SLC22A13: variants seen among roughly 807,000 people sequenced by gnomAD.
The protein encoded by SLC22A13 is organic anion transporter 10.
SLC22A13 carries 42 observed loss-of-function variants against 49.1 expected under a neutral mutation model. That is an observed-to-expected ratio of 0.85 (90% confidence interval 0.67 to 1.11). The LOEUF (loss-of-function observed/expected upper bound fraction) is 1.11. SLC22A13 is among the 50% of genes least tolerant of loss of function. The pLI is 0.00. For synonymous variants in SLC22A13, 282 were observed against 293.1 expected (o/e 0.96, Z 0.39); for missense variants, 694 against 712.8 (o/e 0.97, Z 0.30).
chr3:38,275,986 C>A lies in SLC22A13; in HGVS notation c.1127C>A (p.Ala376Asp). 2 of 1,614,172 alleles carry A rather than the reference C, an allele frequency of 1.2e-6. No homozygotes were observed. Among genetic ancestry groups the A allele is most frequent in the South Asian group, 2.2e-5 (2 of 91,082 alleles). Reference protein sequence around the residue: ...QLIFGAVEVPARCSSIFMMQR... With the variant: ...QLIFGAVEVPDRCSSIFMMQR... Reference sequence around the variant, plus strand: ...ATCTTTGGAGCTGTTGAGGTGCCTGCCCGCTGTTCCAGCATCTTCATGATG... The same window carrying A: ...ATCTTTGGAGCTGTTGAGGTGCCTGACCGCTGTTCCAGCATCTTCATGATG... Residue 376 changes from alanine to aspartate, a missense_variant, in exon 7 of 10, where the codon GCC becomes GAC. Transcript: ENST00000311856.
rs1388099023 is a variant in SLC22A13, at chr3:38,274,372, A to G, written c.479A>G (p.Asp160Gly). Reference protein sequence around the residue: ...VGTLMFGPLCDRIGRKATILA... With the variant: ...VGTLMFGPLCGRIGRKATILA... ...ACCCTCATGTTTGGGCCCCTCTGCG[A>G]CCGGTAAGAACCTTGCCCTGCCCAC... Residue 160 changes from aspartate (D) to glycine (G), a missense_variant, in exon 2 of 10, where the codon GAC (aspartate) becomes GGC (glycine). Transcript: ENST00000311856. The G allele has an allele frequency of 1.2e-6, 2 of 1,612,880 alleles. No individual in the cohort carries two copies. The highest frequency in any genetic ancestry group is 1.6e-4 in the Middle Eastern group (1 of 6,062).
At chr3:38,268,404 T>G (rs1703484938) in intron 1 of SLC22A13, among the ~76,000 whole-genome samples, 1 of 152,188 alleles carries the variant, frequency 6.6e-6, no homozygotes, top group South Asian at 2.1e-4. Flanking sequence ...TCCATAGACA[T>G]CTATCTTATA....
chr3:38,274,435 C>T, intron 2 of SLC22A13, 60 bp downstream of exon 2: 1 of 1,498,110 alleles, frequency 6.7e-7, no homozygotes, highest in Non-Finnish European at 9.3e-7. Context: ...GGCACAGGCC[C>T]AAGTCCCCCT....
rs1275860083 is a variant in SLC22A13 at position 38,277,112 on chromosome 3, TG to T, written c.1551del (p.Pro518LeufsTer29). 1.3e-6 allele frequency: 2 copies of T among 1,564,062 alleles called. No individual in the cohort carries two copies. Among genetic ancestry groups the T allele is most frequent in the South Asian group, 2.3e-5 (2 of 85,394 alleles). ...AAAGACACCCTCCAGGACCTGGAGC[TG>T]GGGCCTCACCCACGGTGAGCTGCTT... ...GLKDTLQDLE[L>X]GPHPRSPKSV... is the part of the protein sequence containing the mutation. On this transcript the variant is annotated frameshift_variant, in exon 9 of 10. Transcript: ENST00000311856. LOFTEE classifies it low-confidence loss of function (END_TRUNC).
Position 38,277,145 on chromosome 3 carries a change from A to G in SLC22A13, c.1562+18A>G, listed in dbSNP as rs1422066769. 1.3e-6 allele frequency: 2 copies of G among 1,537,678 alleles called. No individual in the cohort carries two copies. The highest frequency in any genetic ancestry group is 2.4e-5 in the East Asian group (1 of 40,916). ...CACCCACGGTGAGCTGCTTGCTTGC[A>G]CTGAAACCACGACTTGGGTCTCACA... On this transcript the variant is annotated intron_variant, in intron 9 of 9. Coordinates refer to ENST00000311856, the MANE Select transcript of SLC22A13 (RefSeq NM_004256.4).
Position 38,274,665 on chromosome 3 carries a change from A to G in SLC22A13, c.544A>G (p.Thr182Ala), listed in dbSNP as rs1703556931. 6.2e-7 allele frequency: 1 copy of G among 1,614,030 alleles called. No homozygotes were observed. The highest frequency in any genetic ancestry group is 1.3e-5 in the African/African-American group (1 of 74,942). ...LLLFTLIGLA[T>A]AFVPSFELYM... ...CCTCTTCACCCTCATCGGCCTGGCC[A>G]CAGCTTTTGTGCCCAGCTTTGAGCT... The change falls in exon 3 of 10, where the codon ACA (threonine) becomes GCA (alanine). Residue 182 changes from threonine (T) to alanine (A), a missense_variant. Physicochemically the swap from Thr to Ala is moderately conservative, Grantham distance 58. Transcript: ENST00000311856.
Position 38,274,291 on chromosome 3 carries a change from G to A in SLC22A13, c.398G>A (p.Arg133Gln), listed in dbSNP as rs377117410. 1.5e-5 allele frequency: 25 copies of A among 1,613,902 alleles called. No homozygotes were observed. The highest frequency in any genetic ancestry group is 4.5e-5 in the East Asian group (2 of 44,886). Residue 133 changes from arginine (R) to glutamine (Q), a missense_variant, in exon 2 of 10, where the codon CGG becomes CAG. Arg to Gln is a conservative substitution (Grantham distance 43). Transcript: ENST00000311856. ...LKNEFNLVCD[R>Q]KHLKDTTQSV... ...CCTCAGTTCAACCTGGTTTGTGATC[G>A]GAAGCACCTGAAGGACACCACACAG...
At position 38,278,736 on chromosome 3, in the gene SLC22A13, C is replaced by A. The variant is rs1703614410; in HGVS notation, c.*1271C>A. ...TTGGGAGGCTGAGGCAGGAGAATCG[C>A]TTGAACCTGGGAGGCGGAGTTTGCA... On this transcript the variant is annotated 3_prime_UTR_variant, in exon 10 of 10. Coordinates refer to ENST00000311856, the MANE Select transcript of SLC22A13 (RefSeq NM_004256.4). Among the ~76,000 whole-genome samples the A allele has an allele frequency of 6.7e-6, 1 of 150,138 alleles. No individual in the cohort carries two copies. Among genetic ancestry groups the A allele is most frequent in the African/African-American group, 2.5e-5 (1 of 40,532 alleles).
intron 1 of SLC22A13, among the ~76,000 whole-genome samples, chr3:38,272,607 A>G (rs1480243155): frequency 2.6e-5 from 4 of 152,192 alleles, no homozygotes; most frequent in Non-Finnish European, 2.9e-5. Context: ...ACCAAACAGG[A>G]TAGAACTGGC....
intron 6 of SLC22A13, 38 bp downstream of exon 6, chr3:38,275,710 G>C: frequency 6.3e-7 from 1 of 1,594,456 alleles, no homozygotes; most frequent in Non-Finnish European, 8.6e-7. Context: ...CCACAGGGCT[G>C]CAGCCTCCCT....
chr3:38,268,468 G>T (rs754397492), intron 1 of SLC22A13, among the ~76,000 whole-genome samples: 1 of 152,090 alleles, frequency 6.6e-6, no homozygotes, highest in Non-Finnish European at 1.5e-5. Flanking sequence ...CTGCGTTCTA[G>T]GAACACCATG....
intron 1 of SLC22A13, among the ~76,000 whole-genome samples, chr3:38,267,576 CCTT>C (rs1703476973): frequency 1.3e-5 from 2 of 152,192 alleles, no homozygotes; most frequent in African/African-American, 2.4e-5. Context: ...CTACTCTAGG[CCTT>C]CTTCACACCC....
chr3:38,274,930 G>A (rs1453840379), intron 3 of SLC22A13, 59 bp from the exon 4 acceptor site: 25 of 1,593,814 alleles, frequency 1.6e-5, no homozygotes, highest in Non-Finnish European at 2.1e-5. Context: ...GTGGCATCTA[G>A]GAGTAATGGG....
chr3:38,267,276 G>A lies in SLC22A13; in HGVS notation c.378+1038G>A, dbSNP rs148797685. Among the ~76,000 whole-genome samples the A allele has an allele frequency of 2.8e-4, 42 of 152,148 alleles. No individual in the cohort carries two copies. In the East Asian group the frequency reaches 7.8e-3, roughly 28 times the overall value. The stretch of plus-strand genomic sequence containing the variant: ...TGCTCCCAGAAGCCTGGCAGCCTGC[G>A]GATATGTCCTGCCTGTCCTTCTCCC... On this transcript the variant is annotated intron_variant, in intron 1 of 9. Coordinates refer to ENST00000311856, the MANE Select transcript of SLC22A13 (RefSeq NM_004256.4).
rs146135968 is a variant in SLC22A13 at position 38,277,214 on chromosome 3, G to A, written c.1562+87G>A. On this transcript the variant is annotated intron_variant, in intron 9 of 9. Coordinates refer to ENST00000311856, the MANE Select transcript of SLC22A13 (RefSeq NM_004256.4). ...TGCCCAGGCCTCCACCTCATCACTCGTCCACTGTTGCCTAGAGGCTAATAT... is the reference window on the plus strand; with the variant it reads ...TGCCCAGGCCTCCACCTCATCACTCATCCACTGTTGCCTAGAGGCTAATAT... 4.6e-4 allele frequency: 536 copies of A among 1,168,840 alleles called. 1 individual carries two copies. The highest frequency in any genetic ancestry group is 3.4e-3 in the African/African-American group (224 of 65,758). The allele number at this position is 1,168,840 out of a possible 1,614,324, so 72.4% of individuals were successfully genotyped here.
At chr3:38,276,777 C>T (rs760245246) in intron 8 of SLC22A13, 135 bp from the exon 9 acceptor site, 52 of 739,738 alleles carry the variant, frequency 7.0e-5, no homozygotes, top group Non-Finnish European at 9.3e-5. Context: ...AGAGCAGGAA[C>T]GCTGGCTGGG....
Position 38,276,058 on chromosome 3 carries a change from G to A in SLC22A13, c.1199G>A (p.Gly400Asp), listed in dbSNP as rs1047088715. The change falls in exon 7 of 10, where the codon GGT becomes GAT. Residue 400 changes from glycine to aspartate, a missense_variant. Physicochemically the swap from Gly to Asp is moderately conservative, Grantham distance 94 (BLOSUM62 -1). Coordinates refer to ENST00000311856, the MANE Select transcript of SLC22A13 (RefSeq NM_004256.4). Reference sequence around the variant, plus strand: ...AGCCAGTTGGGGACCTTGGTCTTGGGTGGCCTGATGTGTATCATCATCATC... The same window carrying A: ...AGCCAGTTGGGGACCTTGGTCTTGGATGGCCTGATGTGTATCATCATCATC... ...KWSQLGTLVL[G>D]GLMCIIIIFI... 2 of 1,613,934 alleles carry A rather than the reference G, an allele frequency of 1.2e-6. No individual in the cohort carries two copies. Among genetic ancestry groups the A allele is most frequent in the African/African-American group, 1.3e-5 (1 of 74,914 alleles).
At position 38,274,542 on chromosome 3, in the gene SLC22A13, G is replaced by T. The variant is rs373870060; in HGVS notation, c.483-62G>T. On this transcript the variant is annotated intron_variant, in intron 2 of 9. Coordinates refer to ENST00000311856, the MANE Select transcript of SLC22A13 (RefSeq NM_004256.4). ...CCAGGACAGGGCTGGGCCCCCTTGCGGCCTTCTCCTCAGATGCCTTCCGGG... is the reference window on the plus strand; with the variant it reads ...CCAGGACAGGGCTGGGCCCCCTTGCTGCCTTCTCCTCAGATGCCTTCCGGG... 20 of 1,572,460 alleles carry T rather than the reference G, an allele frequency of 1.3e-5. No individual in the cohort carries two copies. In the South Asian group the frequency reaches 2.1e-4, roughly 16 times the overall value.
At position 38,266,239 on chromosome 3, in the gene SLC22A13, G is replaced by A. The variant is rs1455290617; in HGVS notation, c.378+1G>A. 6.2e-7 allele frequency: 1 copy of A among 1,612,432 alleles called. No individual in the cohort carries two copies. The highest frequency in any genetic ancestry group is 8.5e-7 in the Non-Finnish European group (1 of 1,178,696). ...CAGGCTCCCATCCCTGAAGAATGAG[G>A]TAGGCTTGTCCTTTTGCTGGTCTCT... is the stretch of plus-strand genomic sequence containing the variant. On this transcript the variant is annotated splice_donor_variant, in intron 1 of 9. Transcript: ENST00000311856. LOFTEE classifies it high-confidence loss of function.
Sources: allele counts gnomAD v4.1 joint callset (sites outside exome capture counted in the v4.1 genomes callset), GRCh38; gene constraint gnomAD v4.1.1; transcripts MANE v1.5; gene names NCBI Gene and HGNC (gene_info 2026-07-23, HGNC 2026-07-21).